The following DALRD3 variants were observed in gnomAD, a reference collection of about 807,000 sequenced individuals.
DALRD3 encodes DALR anticodon-binding domain-containing protein 3.
In DALRD3, 47 loss-of-function variants were observed where a neutral mutation model predicts 56.7. The observed-to-expected ratio is 0.83, with a 90% confidence interval of 0.66 to 1.06. DALRD3 has a LOEUF of 1.06. Among genes scored for constraint, DALRD3 ranks in the 50% least tolerant of loss-of-function variants. The pLI, the probability that DALRD3 is intolerant of heterozygous loss-of-function variation, is 0.00. For synonymous variants in DALRD3, 347 were observed against 308.5 expected (o/e 1.12, Z -1.31); for missense variants, 787 against 724.0 (o/e 1.09, Z -1.00).
chr3:49,016,654 A>T lies in DALRD3; in HGVS notation c.1021T>A (p.Cys341Ser). Residue 341 changes from cysteine (C) to serine (S), a missense_variant, in exon 7 of 12, where the codon TGC becomes AGC. By Grantham distance (112) the Cys-to-Ser change is moderately radical (BLOSUM62 -1). Coordinates refer to ENST00000341949, the MANE Select transcript of DALRD3 (RefSeq NM_001009996.3). ...CCATGCTTCAGTGCTGAGGCCTTGC[A>T]CACCTGGGTATGCCGGAACCTGTGT... The part of the protein sequence containing the change: ...EYYEFRHTQV[C>S]KASALKHGGD... 6.3e-7 allele frequency: 1 copy of T among 1,596,788 alleles called. No individual in the cohort carries two copies. Among genetic ancestry groups the T allele is most frequent in the Non-Finnish European group, 8.5e-7 (1 of 1,169,972 alleles).
rs781632965 is a variant in DALRD3 at position 49,017,523 on chromosome 3, G to A, written c.719-10C>T. On this transcript the variant is annotated splice_polypyrimidine_tract_variant and intron_variant, in intron 3 of 11. Transcript: ENST00000341949. ...AGGAGATCCTCAGTCACTGAAAAGA[G>A]AACAGACAGGTGCTGAGACTGACAA... The A allele has an allele frequency of 6.2e-7, 1 of 1,614,168 alleles. No homozygotes were observed. The highest frequency in any genetic ancestry group is 1.1e-5 in the South Asian group (1 of 91,066).
chr3:49,016,532 T>C (rs1166323559), intron 7 of DALRD3, 21 bp from the exon 8 acceptor site: 1 of 1,610,572 alleles, frequency 6.2e-7, no homozygotes, highest in Non-Finnish European at 8.5e-7. Flanking sequence ...ATAGGGTTGG[T>C]CAGTCAGTCT....
At chr3:49,018,631 A>C (rs2093123588), upstream of DALRD3, 2 of 1,465,396 alleles carry the variant, frequency 1.4e-6, no homozygotes, top group African/African-American at 2.9e-5. Flanking sequence ...GAAAGGACCG[A>C]CTAGCTGGGG....
chr3:49,018,664 G>C, upstream of DALRD3: 1 of 1,435,382 alleles, frequency 7.0e-7, no homozygotes, highest in Non-Finnish European at 9.1e-7. Context: ...GGTGGTCCCC[G>C]TAAGTGGACA....
chr3:49,019,541 G>A (rs965115490), upstream of DALRD3, among the ~76,000 whole-genome samples: 13 of 148,374 alleles, frequency 8.8e-5, no homozygotes, highest in Non-Finnish European at 3.0e-5. Flanking sequence ...GTACAGTGGT[G>A]TGATCTTGGC....
chr3:49,020,105 G>A, upstream of DALRD3: 1 of 532,654 alleles, frequency 1.9e-6, no homozygotes, highest in South Asian at 1.4e-5. Flanking sequence ...AGCTTGGCAA[G>A]GCCCCTTTCT....
At chr3:49,018,893 CAT>C (rs201993193), upstream of DALRD3, 627 of 985,476 alleles carry the variant, frequency 6.4e-4, 13 homozygotes, top group East Asian at 0.038. Context: ...CGAAGTCTCA[CAT>C]GTTTGTTTTA....
intron 6 of DALRD3, 50 bp downstream of exon 6, chr3:49,016,724 C>T (rs1351846593): frequency 6.2e-7 from 1 of 1,613,062 alleles, no homozygotes; most frequent in Non-Finnish European, 8.5e-7. Context: ...GGTAAAGAGT[C>T]CCCCCTCATT....
chr3:49,017,375 A>T lies in DALRD3; in HGVS notation c.799-19T>A. On this transcript the variant is annotated intron_variant, in intron 4 of 11. Transcript: ENST00000341949. ...CCCCAGCCTAAGGGAGGACAATCAT[A>T]ACTGTGGAAGTACAGTATACTTGGT... 1 of 1,614,206 alleles carries T rather than the reference A, an allele frequency of 6.2e-7. No individual in the cohort carries two copies. The highest frequency in any genetic ancestry group is 8.5e-7 in the Non-Finnish European group (1 of 1,180,042).
In DALRD3 at chr3:49,016,000, C is replaced by T. The variant is rs1219858039; in HGVS notation, c.1416G>A (p.Gly472=). 1 of 1,611,256 alleles carries T rather than the reference C, an allele frequency of 6.2e-7. No individual in the cohort carries two copies. Among genetic ancestry groups the T allele is most frequent in the Non-Finnish European group, 8.5e-7 (1 of 1,178,084 alleles). Residue 472 remains glycine, a synonymous_variant, in exon 10 of 12, where the codon GGG becomes GGA. Transcript: ENST00000341949. ...RTAVLDCTAP[G]LHIAVRTEMI... ...TCTCTGTGCGTACAGCAATGTGGAGCCCCGGGGCTGTGCAGTCCAGCACTG... is the reference window on the plus strand; with the variant it reads ...TCTCTGTGCGTACAGCAATGTGGAGTCCCGGGGCTGTGCAGTCCAGCACTG...
chr3:49,018,675 G>C (rs1217507737), upstream of DALRD3: 1 of 1,428,212 alleles, frequency 7.0e-7, no homozygotes, highest in East Asian at 2.7e-5. Flanking sequence ...TAAGTGGACA[G>C]GTGCGCCAGT....
chr3:49,018,476 G>C lies in DALRD3; in HGVS notation c.89C>G (p.Thr30Arg), dbSNP rs1342981262. Reference sequence around the variant, plus strand: ...TCGGGAACGCAGGTGGCGGGTGCGCGTCTCCTTGATCCACACCGGACCGCC... The same window carrying C: ...TCGGGAACGCAGGTGGCGGGTGCGCCTCTCCTTGATCCACACCGGACCGCC... ...GPGGPVWIKE[T>R]RTRHLRSRDF... The change falls in exon 1 of 12, where the codon ACG (threonine) becomes AGG (arginine). Residue 30 changes from threonine (T) to arginine (R), a missense_variant. Coordinates refer to ENST00000341949, the MANE Select transcript of DALRD3 (RefSeq NM_001009996.3). 1 of 1,588,218 alleles carries C rather than the reference G, an allele frequency of 6.3e-7. No homozygotes were observed. Among genetic ancestry groups the C allele is most frequent in the Admixed American group, 1.8e-5 (1 of 57,122 alleles).
At chr3:49,015,937 A>G in intron 10 of DALRD3, 36 bp downstream of exon 10, 1 of 1,614,218 alleles carries the variant, frequency 6.2e-7, no homozygotes, top group Non-Finnish European at 8.5e-7. Context: ...AGAATAAAGA[A>G]TAGAGTGTAG....
chr3:49,017,509 A>G lies in DALRD3; in HGVS notation c.723T>C (p.Thr241=). Residue 241 remains threonine (T), a synonymous_variant, in exon 4 of 12, where the codon ACT becomes ACC. Transcript: ENST00000341949. ...CAGCCAGCACAGAGAGGAGATCCTC[A>G]GTCACTGAAAAGAGAACAGACAGGT... ...YDPNLDNCLV[T]EDLLSVLAEL... 6.2e-7 allele frequency: 1 copy of G among 1,614,184 alleles called. No individual in the cohort carries two copies. The highest frequency in any genetic ancestry group is 8.5e-7 in the Non-Finnish European group (1 of 1,180,050).
In DALRD3 at chr3:49,015,712, AAG is replaced by A; in HGVS notation, c.1513-7_1513-6del. On this transcript the variant is annotated splice_region_variant and splice_polypyrimidine_tract_variant and intron_variant, in intron 11 of 11. Transcript: ENST00000341949. ...AAAGAGGTGTGGTCGAGGCTCCTGA[AAG>A]AGAAAGGGCCTGCTGGTCTCATCCT... 6.2e-7 allele frequency: 1 copy of A among 1,614,002 alleles called. No individual in the cohort carries two copies. The highest frequency in any genetic ancestry group is 8.5e-7 in the Non-Finnish European group (1 of 1,179,990).
chr3:49,018,877 T>C (rs2093126597), upstream of DALRD3: 2 of 985,326 alleles, frequency 2.0e-6, no homozygotes, highest in African/African-American at 3.5e-5. Flanking sequence ...TACCGTCTCT[T>C]CTCATCGAAG....
At chr3:49,017,005 G>A (rs935426137) in intron 5 of DALRD3, 158 bp from the exon 6 acceptor site, 3 of 980,406 alleles carry the variant, frequency 3.1e-6, no homozygotes, top group South Asian at 1.5e-5. Context: ...GGCTACGCAT[G>A]GTTCATCCTT....
chr3:49,020,376 G>T (rs2093143037), upstream of DALRD3: 3 of 420,956 alleles, frequency 7.1e-6, no homozygotes, highest in South Asian at 3.4e-5. Flanking sequence ...TCTTTAGCGA[G>T]ATGCGGGCTG....
upstream of DALRD3, among the ~76,000 whole-genome samples, chr3:49,019,323 G>A (rs1473350435): frequency 6.6e-6 from 1 of 151,724 alleles, no homozygotes; most frequent in Non-Finnish European, 1.5e-5. Context: ...TGCCCGCCTC[G>A]GCCTCCGAAA....
Sources: allele counts gnomAD v4.1 joint callset (sites outside exome capture counted in the v4.1 genomes callset), GRCh38; gene constraint gnomAD v4.1.1; transcripts MANE v1.5; gene names NCBI Gene and HGNC (gene_info 2026-07-23, HGNC 2026-07-21).